Variants in TNC observed in about 807,000 individuals in gnomAD.
TNC encodes tenascin.
In TNC, 109 loss-of-function variants were observed where a neutral mutation model predicts 202.4. The observed-to-expected ratio is 0.54, with a 90% CI of 0.46 to 0.63. The LOEUF is 0.63. TNC is among the 30% of genes least tolerant of loss of function. The probability of loss-of-function intolerance (pLI) is 0.00; values close to 1 mark genes in which losing one functional copy is unlikely to be tolerated. For missense variants in TNC, 2,756 were observed against 2,833.3 expected, an observed-to-expected ratio of 0.97 and a Z score of 0.62; for synonymous variants, 1,007 against 1,089.7, an observed-to-expected ratio of 0.92 and a Z score of 1.50.
At chr9:115,081,476 G>T (rs1277468109) in intron 6 of TNC, among the ~76,000 whole-genome samples, 2 of 152,102 alleles carry the variant, frequency 1.3e-5, no homozygotes, top group Non-Finnish European at 2.9e-5. Context: ...AGAATGAGAG[G>T]CTCTGCGAAA....
intron 1 of TNC, among the ~76,000 whole-genome samples, chr9:115,095,514 G>C (rs199687736): frequency 0.012 from 82 of 6,802 alleles, no homozygotes; most frequent in African/African-American, 0.018. Flanking sequence ...ATATATATAT[G>C]TATATATATG....
In TNC at chr9:115,020,900, G is replaced by A. The variant is rs978974564; in HGVS notation, c.*257C>T. 1 of 460,338 alleles carries A rather than the reference G, an allele frequency of 2.2e-6. No individual in the cohort carries two copies. Among genetic ancestry groups the A allele is most frequent in the African/African-American group, 2.0e-5 (1 of 50,932 alleles). The allele number at this position is 460,338 out of a possible 1,614,324, so 28.5% of individuals were successfully genotyped here. A position where few individuals can be genotyped will look rare whatever the true frequency, so the allele number is the denominator to read the frequency against. ...AGAAGTAAAAAACTATTGCGATGTT[G>A]TCACTGGGAGATTTTTGCTGAATCA... On this transcript the variant is annotated 3_prime_UTR_variant, in exon 28 of 28. Transcript: ENST00000350763.
chr9:115,114,428 A>G (rs555812748), intron 1 of TNC, among the ~76,000 whole-genome samples: 60 of 152,314 alleles, frequency 3.9e-4, no homozygotes, highest in South Asian at 1.0e-3. Context: ...CTGTGTGCCT[A>G]CTTTTCTGAG....
rs77983149 is a variant in TNC, at chr9:115,076,417, G to A, written c.2833C>T (p.Gln945Ter). 6.3e-7 allele frequency: 1 copy of A among 1,585,164 alleles called. No individual in the cohort carries two copies. The part of the protein sequence containing the change: ...HAEVDVPKSQ[Q>*]ATTKTTLTGL... Reference sequence around the variant, plus strand: ...GTGAGTGTGGTTTTGGTTGTGGCTTGTTGGCTCTTTGGAACATCAACCTCA... The same window carrying A: ...GTGAGTGTGGTTTTGGTTGTGGCTTATTGGCTCTTTGGAACATCAACCTCA... The change falls in exon 8 of 28, where the codon CAA becomes TAA. Residue 945 changes from glutamine to a stop codon, truncating the protein, a stop_gained. Transcript: ENST00000350763. LOFTEE classifies it high-confidence loss of function.
chr9:115,039,211 G>A (rs1830555022), intron 19 of TNC, among the ~76,000 whole-genome samples: 1 of 152,156 alleles, frequency 6.6e-6, no homozygotes, highest in Non-Finnish European at 1.5e-5. Context: ...GAGGCCGGTG[G>A]TCCCGGGTTC....
At chr9:115,111,392 T>A (rs1837037647) in intron 1 of TNC, among the ~76,000 whole-genome samples, 1 of 121,998 alleles carries the variant, frequency 8.2e-6, no homozygotes, top group Non-Finnish European at 1.7e-5. Flanking sequence ...ACTTTCTCTC[T>A]CTCTCTCTTT....
Position 115,063,066 on chromosome 9 carries a change from T to C in TNC, c.3884A>G (p.Gln1295Arg), listed in dbSNP as rs764335188. ...QFTIQVQEAD[Q>R]VEEAHNLTVP... ...CGTGAGATTGTGAGCCTCTTCCACCTGGTCAGCCTCCTGGACCTGAATAGT... is the reference window on the plus strand; with the variant it reads ...CGTGAGATTGTGAGCCTCTTCCACCCGGTCAGCCTCCTGGACCTGAATAGT... The change falls in exon 13 of 28, where the codon CAG becomes CGG. Residue 1295 changes from glutamine to arginine, a missense_variant. Around this residue, in one of 2 missense-constraint regions of TNC, gnomAD observed 2,559 missense variants for 2,546.0 expected, o/e 1.01. Transcript: ENST00000350763. 53 of 1,614,050 alleles carry C rather than the reference T, an allele frequency of 3.3e-5. No individual in the cohort carries two copies. The highest frequency in any genetic ancestry group is 4.2e-5 in the Non-Finnish European group (49 of 1,180,034).
In TNC at chr9:115,086,722, T is replaced by A; in HGVS notation, c.1009A>T (p.Thr337Ser). The A allele has an allele frequency of 2.5e-6, 4 of 1,614,060 alleles. No individual in the cohort carries two copies. Among genetic ancestry groups the A allele is most frequent in the Non-Finnish European group, 3.4e-6 (4 of 1,180,024 alleles). Residue 337 changes from threonine (T) to serine (S), a missense_variant, in exon 3 of 28, where the codon ACA becomes TCA. Thr to Ser is a moderately conservative substitution (Grantham distance 58). Transcript: ENST00000350763. Reference protein sequence around the residue: ...NGTCYCEEGFTGEDCGKPTCP... With the variant: ...NGTCYCEEGFSGEDCGKPTCP... ...GTGGGTTTCCCGCAGTCTTCACCTG[T>A]GAAGCCTTCTTCGCAGTAGCAGGTG...
intron 1 of TNC, among the ~76,000 whole-genome samples, chr9:115,107,147 T>C (rs985888992): frequency 3.3e-5 from 5 of 152,166 alleles, no homozygotes; most frequent in Non-Finnish European, 7.4e-5. Context: ...TTAAGGTGAC[T>C]GGAAAGTAAG....
intron 14 of TNC, among the ~76,000 whole-genome samples, chr9:115,059,273 C>T (rs1416811616): frequency 6.6e-6 from 1 of 152,188 alleles, no homozygotes; most frequent in East Asian, 1.9e-4. Context: ...AAGAACCACA[C>T]TACCCATATC....
intron 1 of TNC, among the ~76,000 whole-genome samples, chr9:115,094,747 C>G (rs573659338): frequency 1.4e-4 from 21 of 151,608 alleles, no homozygotes; most frequent in African/African-American, 4.6e-4. Flanking sequence ...GTCAGGGTTA[C>G]CATGTAGAAA....
At chr9:115,084,856 C>T (rs1009850175) in intron 3 of TNC, among the ~76,000 whole-genome samples, 6 of 152,160 alleles carry the variant, frequency 3.9e-5, no homozygotes, top group African/African-American at 9.7e-5. Flanking sequence ...TTGGGCATAT[C>T]TGGTCCAACT....
rs376834104 is a variant in TNC at position 115,020,951 on chromosome 9, G to C, written c.*206C>G. On this transcript the variant is annotated 3_prime_UTR_variant, in exon 28 of 28. Transcript: ENST00000350763. ...AACAACAAAACAGAAACATGTTGGA[G>C]ACTGATGTCTTTGGTGCAAAGAAAG... The C allele has an allele frequency of 2.8e-5, 15 of 541,234 alleles. No individual in the cohort carries two copies. Among genetic ancestry groups the C allele is most frequent in the East Asian group, 1.2e-4 (4 of 33,534 alleles). The allele number at this position is 541,234 out of a possible 1,614,324, so 33.5% of individuals were successfully genotyped here.
chr9:115,023,476 G>T (rs57398199), intron 27 of TNC, among the ~76,000 whole-genome samples: 2 of 152,140 alleles, frequency 1.3e-5, no homozygotes, highest in African/African-American at 2.4e-5. Context: ...GGGGCTGGAA[G>T]TGGGGAGAGC....
rs1170394337 is a variant in TNC, at chr9:115,019,923, A to T, written c.*1234T>A. 1 of 152,236 alleles carries T rather than the reference A, an allele frequency of 6.6e-6. No individual in the cohort carries two copies. The highest frequency in any genetic ancestry group is 1.5e-5 in the Non-Finnish European group (1 of 68,044). The allele number at this position is 152,236 out of a possible 1,614,324, so 9.4% of individuals were successfully genotyped here. A position where few individuals can be genotyped will look rare whatever the true frequency, so the allele number is the denominator to read the frequency against. ...TAACAATACTTACCTCAACTATATC[A>T]TAGAGTTTCTAGGAGTTGCATTAGA... On this transcript the variant is annotated 3_prime_UTR_variant, in exon 28 of 28. Coordinates refer to ENST00000350763, the MANE Select transcript of TNC (RefSeq NM_002160.4).
rs766474182 is a variant in TNC, at chr9:115,076,455, C to T, written c.2795G>A (p.Gly932Glu). ...AACATCAACCTCAGCGTGGTCCCCT[C>T]CAGAGATGGGGGCATACTTAATTCT... ...SYRIKYAPIS[G>E]GDHAEVDVPK... Residue 932 changes from glycine to glutamate, a missense_variant, in exon 8 of 28, where the codon GGA becomes GAA. This residue lies in a region of TNC where 2,559 missense variants were observed against 2,546.0 expected (regional missense o/e 1.01). Coordinates refer to ENST00000350763, the MANE Select transcript of TNC (RefSeq NM_002160.4). 6.2e-7 allele frequency: 1 copy of T among 1,614,170 alleles called. No homozygotes were observed. The highest frequency in any genetic ancestry group is 1.3e-5 in the African/African-American group (1 of 75,042).
At chr9:115,031,398 A>G (rs1829936188) in intron 23 of TNC, among the ~76,000 whole-genome samples, 155 bp downstream of exon 23, 1 of 152,170 alleles carries the variant, frequency 6.6e-6, no homozygotes, top group Non-Finnish European at 1.5e-5. Context: ...ATAATCTCCC[A>G]CATTTGCTTT....
rs1231571700 is a variant in TNC, at chr9:115,111,395, CTCTCTTTTTTTT to C, written c.-137+6575_-137+6586del. Among the ~76,000 whole-genome samples the C allele has an allele frequency of 7.9e-5, 9 of 114,606 alleles. 1 individual carries two copies. Among genetic ancestry groups the C allele is most frequent in the Admixed American group, 4.2e-4 (4 of 9,624 alleles). 75.2% of individuals were successfully genotyped at this position (114,606 alleles called of 152,430 possible). The stretch of plus-strand genomic sequence containing the variant: ...TCTTGCTTATAGACTTTCTCTCTCT[CTCTCTTTTTTTT>C]TTTTTTTTTTTTTTTTTTGAGATGG... On this transcript the variant is annotated intron_variant, in intron 1 of 27. Coordinates refer to ENST00000350763, the MANE Select transcript of TNC (RefSeq NM_002160.4).
chr9:115,037,293 A>G (rs547318701), intron 20 of TNC, among the ~76,000 whole-genome samples: 1 of 152,228 alleles, frequency 6.6e-6, no homozygotes, highest in East Asian at 1.9e-4. Context: ...TATGAAACTT[A>G]CCTATACCTG....
Sources: allele counts gnomAD v4.1 joint callset (sites outside exome capture counted in the v4.1 genomes callset), GRCh38; gene constraint gnomAD v4.1.1; regional missense constraint gnomAD v4.1.1; transcripts MANE v1.5; gene names NCBI Gene and HGNC (gene_info 2026-07-23, HGNC 2026-07-21).